The following SLC5A11 variants were observed in gnomAD, a reference collection of about 807,000 sequenced individuals.
SLC5A11 encodes the protein sodium/myo-inositol cotransporter 2.
Under a neutral mutation model 69.8 loss-of-function variants are expected in SLC5A11, and 48 were observed. That is an observed-to-expected ratio of 0.69 (90% CI 0.55 to 0.87). The LOEUF (loss-of-function observed/expected upper bound fraction) is 0.87. Ranked by LOEUF, SLC5A11 falls within the 40% of genes least tolerant of loss-of-function variation. SLC5A11 has a pLI of 0.00. For missense variants in SLC5A11, 784 were observed against 866.1 expected (o/e 0.91, Z 1.19); for synonymous variants, 319 against 342.4 (o/e 0.93, Z 0.75).
intron 7 of SLC5A11, among the ~76,000 whole-genome samples, chr16:24,881,486 C>T (rs972009536): frequency 6.6e-6 from 1 of 151,996 alleles, no homozygotes; most frequent in Non-Finnish European, 1.5e-5. Context: ...AAGGGTTTCA[C>T]TGTGTTGGTC....
intron 13 of SLC5A11, among the ~76,000 whole-genome samples, chr16:24,908,595 CAAA>C (rs764700253): frequency 1.4e-5 from 1 of 70,594 alleles, no homozygotes; most frequent in Non-Finnish European, 2.5e-5. Flanking sequence ...GAGACTGTCT[CAAA>C]AAAAAAAAAA....
intron 3 of SLC5A11, among the ~76,000 whole-genome samples, chr16:24,866,024 AAAGT>A (rs1454885857): frequency 6.6e-6 from 1 of 150,574 alleles, no homozygotes; most frequent in Non-Finnish European, 1.5e-5. Context: ...AATCACTAAG[AAAGT>A]AATTTTAGAA....
intron 10 of SLC5A11, among the ~76,000 whole-genome samples, chr16:24,905,626 A>ACGCGCG (rs1491417445): frequency 1.2e-5 from 1 of 84,172 alleles, no homozygotes; most frequent in African/African-American, 5.2e-5. Context: ...CATCTCAAAA[A>ACGCGCG]CACGCGCGCG....
intron 10 of SLC5A11, among the ~76,000 whole-genome samples, chr16:24,901,925 AAAAAAT>A (rs1241364783): frequency 7.5e-6 from 1 of 133,052 alleles, no homozygotes; most frequent in African/African-American, 3.0e-5. Context: ...TCTCTGGAAA[AAAAAAT>A]ACACACACAC....
chr16:24,874,006 T>C (rs1597102901), intron 5 of SLC5A11, among the ~76,000 whole-genome samples: 1 of 152,148 alleles, frequency 6.6e-6, no homozygotes, highest in South Asian at 2.1e-4. Context: ...TTTGTATTTT[T>C]AGTAGAGATG....
At chr16:24,887,863 A>G (rs541356897) in intron 8 of SLC5A11, among the ~76,000 whole-genome samples, 1 of 152,310 alleles carries the variant, frequency 6.6e-6, no homozygotes, top group South Asian at 2.1e-4. Flanking sequence ...AAAAGCGATA[A>G]ACGGGGGATA....
At chr16:24,884,521 T>G (rs1255140143) in intron 8 of SLC5A11, among the ~76,000 whole-genome samples, 38 of 148,172 alleles carry the variant, frequency 2.6e-4, no homozygotes, top group Admixed American at 7.4e-4. Context: ...TTGTTTTTTT[T>G]TTTTTTTTTT....
intron 9 of SLC5A11, among the ~76,000 whole-genome samples, chr16:24,895,388 C>G (rs1597234073): frequency 6.6e-6 from 1 of 151,900 alleles, no homozygotes; most frequent in East Asian, 1.9e-4. Context: ...ACTTGGGAGG[C>G]TGAGGCAGGA....
intron 2 of SLC5A11, among the ~76,000 whole-genome samples, chr16:24,861,254 T>C (rs1359090838): frequency 6.6e-6 from 1 of 152,076 alleles, no homozygotes; most frequent in East Asian, 1.9e-4. Flanking sequence ...GAGGCCGAAG[T>C]GAACAGATCG....
At chr16:24,906,818 C>A in intron 11 of SLC5A11, 54 bp downstream of exon 12, 2 of 1,505,724 alleles carry the variant, frequency 1.3e-6, no homozygotes, top group Non-Finnish European at 1.8e-6. Context: ...GAAAGGAGAT[C>A]ACCGGATGGG....
At chr16:24,897,893 C>T (rs1203176278) in intron 9 of SLC5A11, 81 bp from the exon 11 acceptor site, 10 of 1,536,500 alleles carry the variant, frequency 6.5e-6, no homozygotes, top group African/African-American at 2.7e-5. Context: ...ATGGGAGCTA[C>T]AATTCAAGAT....
rs150286168 is a variant in SLC5A11, at chr16:24,903,280, A to G, written c.1007-3377A>G. Among the ~76,000 whole-genome samples, 884 of 152,234 alleles carry G rather than the reference A, an allele frequency of 5.8e-3. 5 individuals are homozygous for G. Among genetic ancestry groups the G allele is most frequent in the Non-Finnish European group, 0.011 (723 of 68,026 alleles). The stretch of plus-strand genomic sequence containing the variant: ...GCAGTGTGATATTTTGATACATTAT[A>G]CAATGTGTAATGACCACATCAGTGT... On this transcript the variant is annotated intron_variant, in intron 10 of 15. Transcript: ENST00000347898.
intron 3 of SLC5A11, among the ~76,000 whole-genome samples, chr16:24,866,937 G>A (rs965187808): frequency 6.6e-6 from 1 of 152,064 alleles, no homozygotes; most frequent in African/African-American, 2.4e-5. Context: ...CTAATAATTG[G>A]TGACTTTAAT....
At chr16:24,850,211 G>T (rs1347837290) in intron 1 of SLC5A11, among the ~76,000 whole-genome samples, 1 of 152,210 alleles carries the variant, frequency 6.6e-6, no homozygotes, top group Non-Finnish European at 1.5e-5. Context: ...TGACCCCCCA[G>T]AATGCTGGGA....
intron 6 of SLC5A11, 52 bp downstream of exon 7, chr16:24,875,783 A>G (rs2047633621): frequency 7.0e-7 from 1 of 1,419,402 alleles, no homozygotes. Context: ...GGAGAAGATA[A>G]GGCACAGATC....
At chr16:24,903,752 C>A (rs1251668161) in intron 10 of SLC5A11, among the ~76,000 whole-genome samples, 3 of 152,012 alleles carry the variant, frequency 2.0e-5, no homozygotes, top group Non-Finnish European at 4.4e-5. Flanking sequence ...TTTTCTTTAC[C>A]CATTCATCTG....
chr16:24,897,655 A>G (rs1378961978), intron 9 of SLC5A11, among the ~76,000 whole-genome samples: 1 of 152,210 alleles, frequency 6.6e-6, no homozygotes, highest in African/African-American at 2.4e-5. Flanking sequence ...ACAGTTCCAC[A>G]TGGCTGGGGA....
At position 24,860,265 on chromosome 16, in the gene SLC5A11, C is replaced by T. The variant is rs563990647; in HGVS notation, c.135+1487C>T. 1.3e-3 allele frequency among the ~76,000 whole-genome samples: 193 copies of T among 152,010 alleles called. 1 individual carries two copies. The highest frequency in any genetic ancestry group is 4.4e-3 in the African/African-American group (181 of 41,448). On this transcript the variant is annotated intron_variant, in intron 2 of 15. Coordinates refer to ENST00000347898, the Ensembl canonical transcript of SLC5A11. ...TCGTGCCACTGCACTCCAGCCTGGG[C>T]GACAGAGTGAGATTCCATCTCAAAA...
At chr16:24,891,205 T>C in intron 9 of SLC5A11, 131 bp downstream of exon 10, 1 of 775,502 alleles carries the variant, frequency 1.3e-6, no homozygotes. Context: ...GACTACTTCC[T>C]CCTTTCCATT....
Sources: allele counts gnomAD v4.1 joint callset (sites outside exome capture counted in the v4.1 genomes callset), GRCh38; gene constraint gnomAD v4.1.1; transcripts MANE v1.5; gene names NCBI Gene and HGNC (gene_info 2026-07-23, HGNC 2026-07-21).